The following TSBP1 variants were observed in gnomAD, a reference collection of about 807,000 sequenced individuals.
TSBP1 encodes testis expressed basic protein 1.
TSBP1 carries 56 observed loss-of-function variants against 68.8 expected under a neutral mutation model. The ratio of observed to expected loss-of-function variants is 0.81; its 90% CI spans 0.66 to 1.02. The LOEUF (loss-of-function observed/expected upper bound fraction) is 1.02. Ranked by LOEUF, TSBP1 falls within the 50% of genes least tolerant of loss-of-function variation. The pLI is 0.00. For missense variants in TSBP1, 502 were observed against 641.2 expected, an observed-to-expected ratio of 0.78 and a Z score of 2.34; for synonymous variants, 171 against 208.7, an observed-to-expected ratio of 0.82 and a Z score of 1.56.
chr6:32,323,416 A>G (rs1171091506), intron 17 of TSBP1, 175 bp downstream of exon 18: 1 of 729,100 alleles, frequency 1.4e-6, no homozygotes, highest in South Asian at 1.5e-5. Flanking sequence ...TTATGTAAAT[A>G]TAACTTCTTT....
chr6:32,308,553 C>G (rs901159262), intron 19 of TSBP1, among the ~76,000 whole-genome samples: 18 of 146,264 alleles, frequency 1.2e-4, no homozygotes, highest in Non-Finnish European at 1.9e-4. Context: ...AGCCGAGATC[C>G]CGCCACTGCA....
intron 6 of TSBP1, among the ~76,000 whole-genome samples, chr6:32,364,572 GCT>G (rs1015403841): frequency 2.2e-4 from 33 of 151,200 alleles, no homozygotes; most frequent in African/African-American, 8.0e-4. Context: ...AATTTGTATG[GCT>G]CTGTTTTGTT....
chr6:32,302,728 AC>A lies in TSBP1; in HGVS notation c.581-100del. 1.3e-6 allele frequency: 1 copy of A among 763,252 alleles called. No individual in the cohort carries two copies. The highest frequency in any genetic ancestry group is 2.2e-6 in the Non-Finnish European group (1 of 457,826). 47.3% of individuals were successfully genotyped at this position (763,252 alleles called of 1,614,324 possible). A position where few individuals can be genotyped will look rare whatever the true frequency, so the allele number is the denominator to read the frequency against. On this transcript the variant is annotated intron_variant, in intron 19 of 22. Transcript: ENST00000612031. This position sits in a 1 kb window ranked among gnomAD's most constrained non-coding sequence, Gnocchi z 5.1. Reference sequence around the variant, plus strand: ...ATTCCCTAGTTGTTTTTTCTAGGGTACCATAAAGACTTCTAGCAGAATACAA... The same window carrying A: ...ATTCCCTAGTTGTTTTTTCTAGGGTACATAAAGACTTCTAGCAGAATACAA...
intron 1 of TSBP1, among the ~76,000 whole-genome samples, chr6:32,370,436 T>C (rs1462662118): frequency 3.8e-5 from 5 of 130,314 alleles, no homozygotes; most frequent in Non-Finnish European, 8.2e-5. Context: ...TATATATATA[T>C]ATATATATGG....
intron 22 of TSBP1, among the ~76,000 whole-genome samples, chr6:32,299,183 A>C (rs1378907140): frequency 6.6e-6 from 1 of 152,184 alleles, no homozygotes. Context: ...CAACTCTTTA[A>C]CCTTGGGTAA....
chr6:32,293,053 A>G, exon 23 of TSBP1: 1 of 1,612,080 alleles, frequency 6.2e-7, no homozygotes, highest in Admixed American at 1.7e-5. Flanking sequence ...TTGATTTTTC[A>G]CCATTGATTT....
At chr6:32,295,880 T>C (rs1352986605) in intron 22 of TSBP1, among the ~76,000 whole-genome samples, 1 of 151,392 alleles carries the variant, frequency 6.6e-6, no homozygotes, top group African/African-American at 2.4e-5. Flanking sequence ...GTTTCGCTCT[T>C]GTTGCCCAGG....
chr6:32,369,373 A>ATTTTTTTTTTTTTTTTTTTTTTTTTTTTT (rs9281761), intron 2 of TSBP1, among the ~76,000 whole-genome samples: 3 of 127,018 alleles, frequency 2.4e-5, no homozygotes, highest in African/African-American at 5.9e-5. Context: ...AAACTCTGTG[A>ATTTTTTTTTTTTTTTTTTTTTTTTTTTTT]TTTTTTTTTT....
chr6:32,295,359 A>C (rs552042887), intron 22 of TSBP1, among the ~76,000 whole-genome samples: 6,606 of 138,636 alleles, frequency 0.048, 205 homozygotes, highest in South Asian at 0.095. Context: ...CAAAAAAAAA[A>C]AAAAAAAAAA....
At chr6:32,319,283 C>T (rs1767336199) in intron 18 of TSBP1, among the ~76,000 whole-genome samples, 1 of 152,188 alleles carries the variant, frequency 6.6e-6, no homozygotes, top group Non-Finnish European at 1.5e-5. Context: ...TAAATAAAAT[C>T]TGAAGACCTT....
In TSBP1 at chr6:32,343,041, TAG is replaced by T. The variant is rs1246309479; in HGVS notation, c.350-3405_350-3404del. 6.6e-6 allele frequency among the ~76,000 whole-genome samples: 1 copy of T among 152,080 alleles called. No homozygotes were observed. The highest frequency in any genetic ancestry group is 1.5e-5 in the Non-Finnish European group (1 of 68,004). The stretch of plus-strand genomic sequence containing the variant: ...AGCAAGGTGGGAGGTCTCATTGTCT[TAG>T]AGAGGGGGAAATGTGAGAAAGGTGG... On this transcript the variant is annotated intron_variant, in intron 9 of 22. Transcript: ENST00000612031. This position sits in a 1 kb window ranked among gnomAD's most constrained non-coding sequence, Gnocchi z 4.3.
Position 32,314,487 on chromosome 6 carries a change from G to A in TSBP1, c.580+1285C>T, listed in dbSNP as rs114501840. ...CAAACATAGACATCTGGAATTTCCA[G>A]CTTCATTTCTGGGTCTCAACCACTG... On this transcript the variant is annotated intron_variant, in intron 19 of 22. Transcript: ENST00000612031. This position sits in a 1 kb window ranked among gnomAD's most constrained non-coding sequence, Gnocchi z 4.2. 0.017 allele frequency among the ~76,000 whole-genome samples: 2,648 copies of A among 152,240 alleles called. 36 individuals are homozygous for A. Among genetic ancestry groups the A allele is most frequent in the Middle Eastern group, 0.037 (11 of 294 alleles).
intron 22 of TSBP1, among the ~76,000 whole-genome samples, chr6:32,297,677 A>G (rs967258020): frequency 6.6e-6 from 1 of 152,216 alleles, no homozygotes; most frequent in Non-Finnish European, 1.5e-5. Context: ...TAAGAGACTC[A>G]GTTTGCTGGG....
chr6:32,329,533 T>A (rs12524063), intron 16 of TSBP1, among the ~76,000 whole-genome samples: 13,125 of 152,210 alleles, frequency 0.086, 812 homozygotes, highest in East Asian at 0.1. Flanking sequence ...GGGCAGTAAA[T>A]ATCCAGTTTT....
chr6:32,354,068 A>G (rs1041065684), intron 8 of TSBP1, among the ~76,000 whole-genome samples: 1 of 152,036 alleles, frequency 6.6e-6, no homozygotes, highest in Non-Finnish European at 1.5e-5. Flanking sequence ...GAGATTGACA[A>G]ATTTTATTAC....
chr6:32,365,545 A>AG lies in TSBP1; in HGVS notation c.217+621_217+622insC, dbSNP rs765386425. On this transcript the variant is annotated intron_variant, in intron 6 of 22. Transcript: ENST00000612031. This position sits in a 1 kb window ranked among gnomAD's most constrained non-coding sequence, Gnocchi z 4.3. ...TGCTCCCAGCCTCTCCTAACCATTCAACTATGCTGATCATCTCAATGTTCT... is the reference window on the plus strand; with the variant it reads ...TGCTCCCAGCCTCTCCTAACCATTCAGACTATGCTGATCATCTCAATGTTCT... 9.2e-5 allele frequency: 42 copies of AG among 456,468 alleles called. No homozygotes were observed. Among genetic ancestry groups the AG allele is most frequent in the African/African-American group, 6.4e-4 (32 of 50,128 alleles). 28.3% of individuals were successfully genotyped at this position (456,468 alleles called of 1,614,324 possible).
In TSBP1 at chr6:32,335,344, T is replaced by C; in HGVS notation, c.472+93A>G. ...TGAGGTGGCAGAAGGACTTGATCCT[T>C]GAGTCCTTGGGCATGAATAATTGAA... On this transcript the variant is annotated intron_variant, in intron 14 of 22. Transcript: ENST00000612031. This position sits in a 1 kb window ranked among gnomAD's most constrained non-coding sequence, Gnocchi z 5.5. The C allele has an allele frequency of 1.6e-6, 2 of 1,216,238 alleles. No homozygotes were observed. The highest frequency in any genetic ancestry group is 2.2e-6 in the Non-Finnish European group (2 of 906,758). The allele number at this position is 1,216,238 out of a possible 1,614,324, so 75.3% of individuals were successfully genotyped here.
chr6:32,297,025 G>A (rs1764793535), intron 22 of TSBP1, among the ~76,000 whole-genome samples: 1 of 152,022 alleles, frequency 6.6e-6, no homozygotes, highest in African/African-American at 2.4e-5. Context: ...ACATAGATTA[G>A]ATTTACAGGA....
At chr6:32,307,523 A>C (rs1765884674) in intron 19 of TSBP1, among the ~76,000 whole-genome samples, 1 of 152,158 alleles carries the variant, frequency 6.6e-6, no homozygotes, top group African/African-American at 2.4e-5. Context: ...GCTTGGTGGA[A>C]TGTTCAGTGT....
Sources: allele counts gnomAD v4.1 joint callset (sites outside exome capture counted in the v4.1 genomes callset), GRCh38; gene constraint gnomAD v4.1.1; non-coding constraint Gnocchi (gnomAD v3.1); transcripts MANE v1.5; gene names NCBI Gene and HGNC (gene_info 2026-07-23, HGNC 2026-07-21).